CARS1: variants seen among roughly 807,000 people sequenced by gnomAD.
CARS1 encodes the protein cysteinyl-tRNA synthetase 1.
In CARS1, 48 loss-of-function variants were observed where a neutral mutation model predicts 106.2. The ratio of observed to expected loss-of-function variants is 0.45; its 90% CI spans 0.36 to 0.57. The LOEUF is 0.57. Among genes scored for constraint, CARS1 ranks in the 20% least tolerant of loss-of-function variants. CARS1 has a pLI of 0.00. For synonymous variants in CARS1, 409 were observed against 403.4 expected, an observed-to-expected ratio of 1.01 and a Z score of -0.17; for missense variants, 968 against 1,057.2, an observed-to-expected ratio of 0.92 and a Z score of 1.17.
At chr11:3,015,253 C>T (rs1565034968) in intron 17 of CARS1, among the ~76,000 whole-genome samples, 1 of 152,228 alleles carries the variant, frequency 6.6e-6, no homozygotes, top group Non-Finnish European at 1.5e-5. Flanking sequence ...AGCTCTGGGG[C>T]AGGGGGTCCT....
In CARS1 at chr11:3,029,546, C is replaced by T. The variant is rs571451541; in HGVS notation, c.802-103G>A. On this transcript the variant is annotated intron_variant, in intron 7 of 22. Transcript: ENST00000380525. This position sits in a 1 kb window ranked among gnomAD's most constrained non-coding sequence, Gnocchi z 5.9. ...CATCAGTGCCCTGAATTCAAAGGTG[C>T]TGACCTTGACCTGTGAAGAGCCACC... 155 of 1,322,848 alleles carry T rather than the reference C, an allele frequency of 1.2e-4. No homozygotes were observed. Among genetic ancestry groups the T allele is most frequent in the Non-Finnish European group, 1.6e-4 (149 of 958,594 alleles). The allele number at this position is 1,322,848 out of a possible 1,614,324, so 81.9% of individuals were successfully genotyped here.
Position 3,028,847 on chromosome 11 carries a change from T to C in CARS1, c.1031+149A>G, listed in dbSNP as rs1852391875. ...CCTCAGCCCCTGGGTGGGCCCAGAG[T>C]TGTAGGAGGAAGTCTGCTGGGACTT... On this transcript the variant is annotated intron_variant, in intron 9 of 22. Transcript: ENST00000380525. This position sits in a 1 kb window ranked among gnomAD's most constrained non-coding sequence, Gnocchi z 4.4. The C allele has an allele frequency of 6.1e-6, 4 of 654,032 alleles. No homozygotes were observed. Among genetic ancestry groups the C allele is most frequent in the Non-Finnish European group, 1.1e-5 (4 of 363,968 alleles). 40.5% of individuals were successfully genotyped at this position (654,032 alleles called of 1,614,324 possible).
Position 3,048,371 on chromosome 11 carries a change from G to A in CARS1, c.26-370C>T, listed in dbSNP as rs997076082. The A allele has an allele frequency of 5.2e-6, 1 of 192,292 alleles. No individual in the cohort carries two copies. The highest frequency in any genetic ancestry group is 1.1e-5 in the Non-Finnish European group (1 of 91,562). 11.9% of individuals were successfully genotyped at this position (192,292 alleles called of 1,614,324 possible). ...TTATGTTTTCTATCAGGGAAAGCAG[G>A]AACACAGTTCCACACCATCACAAAT... On this transcript the variant is annotated intron_variant, in intron 1 of 22. Transcript: ENST00000380525. This position sits in a 1 kb window ranked among gnomAD's most constrained non-coding sequence, Gnocchi z 5.1.
intron 1 of CARS1, among the ~76,000 whole-genome samples, chr11:3,051,381 C>T (rs946130506): frequency 1.3e-5 from 2 of 152,180 alleles, no homozygotes; most frequent in Non-Finnish European, 2.9e-5. Context: ...CTGACACTGC[C>T]GGGGCTTCCC....
At chr11:3,002,354 C>A in intron 21 of CARS1, 187 bp downstream of exon 21, 6 of 1,116,662 alleles carry the variant, frequency 5.4e-6, no homozygotes, top group Non-Finnish European at 7.6e-6. Flanking sequence ...CTTGGCCAGG[C>A]CTTCCCTGCA....
Position 3,046,126 on chromosome 11 carries a change from T to C in CARS1, c.274+1627A>G, listed in dbSNP as rs1479105140. On this transcript the variant is annotated intron_variant, in intron 2 of 22. Transcript: ENST00000380525. The surrounding 1 kb of genome is among the most constrained non-coding windows in gnomAD (Gnocchi z 5.8). ...ACAGCAACTCCATTAGTGCTATCCATGGTCCATTCTGTTACACAGCAACGT... is the reference window on the plus strand; with the variant it reads ...ACAGCAACTCCATTAGTGCTATCCACGGTCCATTCTGTTACACAGCAACGT... Among the ~76,000 whole-genome samples, 3 of 152,220 alleles carry C rather than the reference T, an allele frequency of 2.0e-5. No individual in the cohort carries two copies. The highest frequency in any genetic ancestry group is 3.9e-4 in the East Asian group (2 of 5,190).
At chr11:3,051,166 G>A (rs1855646660) in intron 1 of CARS1, among the ~76,000 whole-genome samples, 1 of 152,254 alleles carries the variant, frequency 6.6e-6, no homozygotes, top group South Asian at 2.1e-4. Context: ...TGAGCCCCCA[G>A]GGGCTTGCTT....
chr11:3,012,254 T>G lies in CARS1; in HGVS notation c.2009A>C (p.Tyr670Ser), dbSNP rs1004140684. 1.2e-6 allele frequency: 2 copies of G among 1,614,220 alleles called. No homozygotes were observed. The highest frequency in any genetic ancestry group is 1.3e-5 in the African/African-American group (1 of 75,056). Reference sequence around the variant, plus strand: ...TCGGAATTCTGATAACACCTGAAGGTAGGGCATGACTGTGGCCTCGAGCTG... The same window carrying G: ...TCGGAATTCTGATAACACCTGAAGGGAGGGCATGACTGTGGCCTCGAGCTG... ...SLSLEATVMP[Y>S]LQVLSEFREG... The change falls in exon 18 of 23, where the codon TAC (tyrosine) becomes TCC (serine). Residue 670 changes from tyrosine to serine, a missense_variant. Physicochemically the swap from Tyr to Ser is moderately radical, Grantham distance 144 (BLOSUM62 -2). Transcript: ENST00000380525.
chr11:3,010,728 T>C lies in CARS1; in HGVS notation c.2068+1467A>G, dbSNP rs145026834. Among the ~76,000 whole-genome samples the C allele has an allele frequency of 8.4e-4, 128 of 152,368 alleles. 1 individual carries two copies. The highest frequency in any genetic ancestry group is 6.8e-3 in the Middle Eastern group (2 of 294). On this transcript the variant is annotated intron_variant, in intron 18 of 22. Coordinates refer to ENST00000380525, the MANE Select transcript of CARS1 (RefSeq NM_001014437.3). ...AACTCTTTCCTGCCCTCCTGCCTCC[T>C]GCTCCACTGTCCCCTGCCCGAAACA...
At chr11:3,016,222 CTTTTT>C (rs34717371) in intron 16 of CARS1, among the ~76,000 whole-genome samples, 1 of 136,778 alleles carries the variant, frequency 7.3e-6, no homozygotes, top group Non-Finnish European at 1.6e-5. Context: ...TTTTGCTTCT[CTTTTT>C]TTTTTTTTTT....
chr11:3,020,133 C>T lies in CARS1; in HGVS notation c.1266+87G>A, dbSNP rs2134154664. 1.2e-6 allele frequency: 1 copy of T among 823,206 alleles called. No homozygotes were observed. The highest frequency in any genetic ancestry group is 1.4e-5 in the South Asian group (1 of 71,056). 51.0% of individuals were successfully genotyped at this position (823,206 alleles called of 1,614,324 possible). A position where few individuals can be genotyped will look rare whatever the true frequency, so the allele number is the denominator to read the frequency against. ...GCCCAGTGACAACATCCTTCACACA[C>T]AGAGCGGCCCTCTGCTGGGGGCCTG... On this transcript the variant is annotated intron_variant, in intron 11 of 22. Coordinates refer to ENST00000380525, the MANE Select transcript of CARS1 (RefSeq NM_001014437.3). The surrounding 1 kb of genome is among the most constrained non-coding windows in gnomAD (Gnocchi z 4.6).
chr11:3,003,238 A>C lies in CARS1; in HGVS notation c.2218-638T>G, dbSNP rs1849558375. ...CTGGCCTGAGCCATTGCACGAACAG[A>C]CATGCCCTCCACTGACGGAAAAGGA... is the stretch of plus-strand genomic sequence containing the variant. On this transcript the variant is annotated intron_variant, in intron 20 of 22. Coordinates refer to ENST00000380525, the MANE Select transcript of CARS1 (RefSeq NM_001014437.3). This position sits in a 1 kb window ranked among gnomAD's most constrained non-coding sequence, Gnocchi z 4.8. Among the ~76,000 whole-genome samples, 1 of 152,222 alleles carries C rather than the reference A, an allele frequency of 6.6e-6. No individual in the cohort carries two copies. The highest frequency in any genetic ancestry group is 1.5e-5 in the Non-Finnish European group (1 of 68,036).
chr11:3,016,213 TTTGC>T (rs1850979833), intron 16 of CARS1, among the ~76,000 whole-genome samples: 1 of 144,796 alleles, frequency 6.9e-6, no homozygotes. Context: ...TGTCCCTGGT[TTTGC>T]TTCTCTTTTT....
chr11:3,002,914 C>T (rs1413195852), intron 20 of CARS1, among the ~76,000 whole-genome samples: 1 of 152,188 alleles, frequency 6.6e-6, no homozygotes, highest in East Asian at 1.9e-4. Flanking sequence ...AGAAATGGAC[C>T]AGCATGGTGA....
intron 21 of CARS1, 36 bp downstream of exon 21, chr11:3,002,505 C>T (rs1451809209): frequency 6.2e-7 from 1 of 1,612,226 alleles, no homozygotes; most frequent in South Asian, 1.1e-5. Flanking sequence ...GCACTCCTGC[C>T]CAGTAGAGCC....
chr11:3,025,404 T>A (rs1304919549), intron 10 of CARS1, among the ~76,000 whole-genome samples: 2 of 152,112 alleles, frequency 1.3e-5, no homozygotes, highest in Non-Finnish European at 2.9e-5. Flanking sequence ...ATTTGTGTAT[T>A]TTTAGTAGAG....
rs1176765753 is a variant in CARS1 at position 3,022,526 on chromosome 11, C to G, written c.1154-2194G>C. ...CGGCAACCCCTGGTATCCCGGTATA[C>G]TGACTCGCTGTGCATTGGGCAACAG... On this transcript the variant is annotated intron_variant, in intron 10 of 22. Transcript: ENST00000380525. This position sits in a 1 kb window ranked among gnomAD's most constrained non-coding sequence, Gnocchi z 4.9. Among the ~76,000 whole-genome samples, 1 of 152,220 alleles carries G rather than the reference C, an allele frequency of 6.6e-6. No homozygotes were observed. Among genetic ancestry groups the G allele is most frequent in the Non-Finnish European group, 1.5e-5 (1 of 68,036 alleles).
rs1854250612 is a variant in CARS1 at position 3,040,154 on chromosome 11, T to C, written c.456-223A>G. On this transcript the variant is annotated intron_variant, in intron 4 of 22. Coordinates refer to ENST00000380525, the MANE Select transcript of CARS1 (RefSeq NM_001014437.3). This position sits in a 1 kb window ranked among gnomAD's most constrained non-coding sequence, Gnocchi z 5.8. The stretch of plus-strand genomic sequence containing the variant: ...TTCCACCTAATGAATAGTAAATATA[T>C]TGCCTCTCCCTTATGATTTTCTTCA... The C allele has an allele frequency of 2.1e-6, 1 of 482,098 alleles. No homozygotes were observed. Among genetic ancestry groups the C allele is most frequent in the Non-Finnish European group, 3.6e-6 (1 of 274,648 alleles). 29.9% of individuals were successfully genotyped at this position (482,098 alleles called of 1,614,324 possible). A position where few individuals can be genotyped will look rare whatever the true frequency, so the allele number is the denominator to read the frequency against.
Position 3,039,470 on chromosome 11 carries a change from T to C in CARS1, c.553-178A>G, listed in dbSNP as rs56934667. Among the ~76,000 whole-genome samples, 2,849 of 152,208 alleles carry C rather than the reference T, an allele frequency of 0.019. 98 individuals carry two copies. Among genetic ancestry groups the C allele is most frequent in the African/African-American group, 0.065 (2,679 of 41,526 alleles). On this transcript the variant is annotated intron_variant, in intron 5 of 22. Coordinates refer to ENST00000380525, the MANE Select transcript of CARS1 (RefSeq NM_001014437.3). The surrounding 1 kb of genome is among the most constrained non-coding windows in gnomAD (Gnocchi z 5.6). ...GAAACACCACCCTCCATCTCCCACC[T>C]GCCAAGTAGTGCCCAAGGCCTAACA...
Sources: allele counts gnomAD v4.1 joint callset (sites outside exome capture counted in the v4.1 genomes callset), GRCh38; gene constraint gnomAD v4.1.1; non-coding constraint Gnocchi (gnomAD v3.1); transcripts MANE v1.5; gene names NCBI Gene and HGNC (gene_info 2026-07-23, HGNC 2026-07-21).